The following CTNNA2 variants were observed in gnomAD, a reference collection of about 807,000 sequenced individuals.
The protein encoded by CTNNA2 is catenin alpha-2.
In CTNNA2, 42 loss-of-function variants were observed where a neutral mutation model predicts 101.0. That is an observed-to-expected ratio of 0.42 (90% CI 0.32 to 0.54). The LOEUF (loss-of-function observed/expected upper bound fraction) is 0.54. Ranked by LOEUF, CTNNA2 falls within the 20% of genes least tolerant of loss-of-function variation. CTNNA2 has a pLI of 0.14. For missense variants in CTNNA2, 871 were observed against 1,223.1 expected (o/e 0.71, Z 4.29); for synonymous variants, 450 against 456.4 (o/e 0.99, Z 0.18).
intron 8 of CTNNA2, among the ~76,000 whole-genome samples, chr2:80,395,033 G>T (rs1315118506): frequency 6.6e-6 from 1 of 152,068 alleles, no homozygotes; most frequent in Non-Finnish European, 1.5e-5. Flanking sequence ...ACCAATCATG[G>T]CAGGATTATT....
rs756960106 is a variant in CTNNA2 at position 80,647,851 on chromosome 2, C to T, written c.2841C>T (p.Phe947=). The stretch of plus-strand genomic sequence containing the variant: ...CGCCTGTACAGGCTTTAAGTGAATT[C>T]AAAGCAATGGATTCCTTCTAGGACG... ...HISPVQALSE[F]KAMDSF The change falls in exon 19 of 19, where the codon TTC becomes TTT. Residue 947 remains phenylalanine (F), a synonymous_variant. Coordinates refer to ENST00000402739, the MANE Select transcript of CTNNA2 (RefSeq NM_001282597.3). The T allele has an allele frequency of 4.4e-6, 7 of 1,605,922 alleles. No individual in the cohort carries two copies. The highest frequency in any genetic ancestry group is 5.1e-6 in the Non-Finnish European group (6 of 1,174,674).
At chr2:80,242,144 A>G (rs892520513) in intron 7 of CTNNA2, among the ~76,000 whole-genome samples, 3 of 152,226 alleles carry the variant, frequency 2.0e-5, no homozygotes, top group African/African-American at 7.2e-5. Flanking sequence ...AGTACAACTG[A>G]GACTGGAGAA....
intron 7 of CTNNA2, among the ~76,000 whole-genome samples, chr2:80,117,158 G>T (rs1387653338): frequency 6.6e-6 from 1 of 152,102 alleles, no homozygotes; most frequent in Non-Finnish European, 1.5e-5. Context: ...AGAAGCTAAA[G>T]AAATATCTTT....
At chr2:80,135,686 A>C (rs1573187453) in intron 7 of CTNNA2, among the ~76,000 whole-genome samples, 1 of 152,094 alleles carries the variant, frequency 6.6e-6, no homozygotes, top group Non-Finnish European at 1.5e-5. Context: ...TCACAGAGCT[A>C]AGTGCTGGGA....
At chr2:80,106,197 G>A (rs1056283310) in intron 7 of CTNNA2, among the ~76,000 whole-genome samples, 4 of 152,160 alleles carry the variant, frequency 2.6e-5, no homozygotes, top group African/African-American at 9.7e-5. Context: ...CACGTCAAAT[G>A]TATAGGAAAT....
intron 7 of CTNNA2, among the ~76,000 whole-genome samples, chr2:80,063,440 T>G (rs1235757072): frequency 6.6e-6 from 1 of 151,984 alleles, no homozygotes; most frequent in Non-Finnish European, 1.5e-5. Context: ...ATGTAAAAAA[T>G]AAAAGAAAAA....
At chr2:79,221,868 A>T (rs1674349588) in intron 2 of CTNNA2, among the ~76,000 whole-genome samples, 1 of 152,150 alleles carries the variant, frequency 6.6e-6, no homozygotes, top group Non-Finnish European at 1.5e-5. Flanking sequence ...CCAGCCCAGG[A>T]GGGTACCTGA....
At chr2:80,625,951 G>C (rs1671640624) in intron 18 of CTNNA2, among the ~76,000 whole-genome samples, 1 of 151,938 alleles carries the variant, frequency 6.6e-6, no homozygotes, top group Non-Finnish European at 1.5e-5. Context: ...TTTAAGAAAA[G>C]ATTATGCCAT....
chr2:80,623,246 G>C (rs1372867673), intron 18 of CTNNA2, among the ~76,000 whole-genome samples: 1 of 151,724 alleles, frequency 6.6e-6, no homozygotes, highest in African/African-American at 2.4e-5. Flanking sequence ...TTCTACGTAT[G>C]ATGCATTCAT....
At chr2:79,966,792 T>A (rs1558683519) in intron 7 of CTNNA2, among the ~76,000 whole-genome samples, 1 of 152,204 alleles carries the variant, frequency 6.6e-6, no homozygotes, top group Admixed American at 6.5e-5. Flanking sequence ...AGGTGATTAC[T>A]ATGCCTTTAT....
chr2:79,440,810 A>G (rs533261057), intron 4 of CTNNA2, among the ~76,000 whole-genome samples: 97 of 152,264 alleles, frequency 6.4e-4, no homozygotes, highest in Middle Eastern at 3.4e-3. Flanking sequence ...TCATTGACTG[A>G]CAGCCCCAGG....
At chr2:79,765,490 A>G (rs1163708383) in intron 3 of CTNNA2, among the ~76,000 whole-genome samples, 1 of 152,112 alleles carries the variant, frequency 6.6e-6, no homozygotes, top group Non-Finnish European at 1.5e-5. Context: ...TTAAAGTATA[A>G]ATTCTATATG....
chr2:79,729,319 C>T (rs1157121606), intron 2 of CTNNA2, among the ~76,000 whole-genome samples: 1 of 152,066 alleles, frequency 6.6e-6, no homozygotes, highest in Non-Finnish European at 1.5e-5. Flanking sequence ...TTACTTAAGC[C>T]TCACAGCATC....
intron 3 of CTNNA2, among the ~76,000 whole-genome samples, chr2:79,339,136 A>AG (rs34851869): frequency 0.35 from 52,416 of 151,922 alleles, 9,450 homozygotes; most frequent in African/African-American, 0.43. Flanking sequence ...GAGAGTGAAC[A>AG]GGGGATGTTC....
At chr2:79,546,528 T>G (rs1320922501) in intron 1 of CTNNA2, among the ~76,000 whole-genome samples, 1 of 152,224 alleles carries the variant, frequency 6.6e-6, no homozygotes, top group Non-Finnish European at 1.5e-5. Flanking sequence ...AAATTGCTTC[T>G]GTTTATAATC....
intron 4 of CTNNA2, among the ~76,000 whole-genome samples, chr2:79,393,166 G>A (rs1175887910): frequency 6.6e-6 from 1 of 152,190 alleles, no homozygotes; most frequent in Non-Finnish European, 1.5e-5. Context: ...TCATAGCTGT[G>A]CCTCAAGCAC....
At chr2:79,560,670 C>T (rs1558730833) in intron 1 of CTNNA2, among the ~76,000 whole-genome samples, 1 of 151,758 alleles carries the variant, frequency 6.6e-6, no homozygotes, top group Non-Finnish European at 1.5e-5. Flanking sequence ...TTTCTTAAGC[C>T]TCTAAATTTC....
At chr2:79,226,948 G>T (rs1323557450) in intron 2 of CTNNA2, among the ~76,000 whole-genome samples, 2 of 150,952 alleles carry the variant, frequency 1.3e-5, no homozygotes, top group Non-Finnish European at 2.9e-5. Context: ...CCATTCAGCT[G>T]CTCAGATGGA....
intron 7 of CTNNA2, chr2:80,029,301 G>C (rs1695137921): frequency 6.6e-6 from 1 of 152,232 alleles, no homozygotes. Flanking sequence ...TTTCAATGAA[G>C]ACCTTACTTC....
Sources: gnomAD v4.1 joint callset for allele counts (sites outside exome capture counted in the v4.1 genomes callset) on GRCh38, gnomAD v4.1.1 for gene constraint, MANE v1.5 for transcripts, NCBI Gene and HGNC (gene_info 2026-07-23, HGNC 2026-07-21) for gene names.